Variants in HELB observed in about 807,000 individuals in gnomAD.
HELB encodes the protein DNA helicase B, also known as DNA 5'-3' helicase B.
HELB carries 96 observed loss-of-function variants against 101.7 expected under a neutral mutation model. That is an observed-to-expected ratio of 0.94 (90% CI 0.80 to 1.12). The LOEUF is 1.12. HELB is among the 50% of genes most tolerant of loss of function. HELB has a pLI of 0.00. For missense variants in HELB, 1,210 were observed against 1,291.9 expected, an observed-to-expected ratio of 0.94 and a Z score of 0.97; for synonymous variants, 437 against 459.7, an observed-to-expected ratio of 0.95 and a Z score of 0.63.
At chr12:66,327,123 A>G (rs1256837820) in intron 11 of HELB, among the ~76,000 whole-genome samples, 1 of 149,584 alleles carries the variant, frequency 6.7e-6, no homozygotes, top group Non-Finnish European at 1.5e-5. Flanking sequence ...TAAGGATGAT[A>G]AAATGGTTCT....
At chr12:66,327,348 T>A (rs2137011154) in intron 11 of HELB, among the ~76,000 whole-genome samples, 1 of 152,222 alleles carries the variant, frequency 6.6e-6, no homozygotes, top group East Asian at 1.9e-4. Flanking sequence ...CAGTTTCCTC[T>A]GTTCTGTCTC....
At chr12:66,308,208 G>A (rs1340363318) in intron 3 of HELB, among the ~76,000 whole-genome samples, 1 of 152,148 alleles carries the variant, frequency 6.6e-6, no homozygotes, top group Non-Finnish European at 1.5e-5. Context: ...AGAGGATAGA[G>A]GTTTCTCTTG....
chr12:66,331,646 G>A lies in HELB; in HGVS notation c.3162+1G>A, dbSNP rs570482307. The A allele has an allele frequency of 1.7e-5, 27 of 1,592,382 alleles. 1 individual carries two copies. In the East Asian group the frequency reaches 5.4e-4, roughly 32 times the overall value. ...TGAAAGTCCAAGCAAAATTTTTATG[G>A]TAGGAGTGATGTTTCCATGTTCCCA... On this transcript the variant is annotated splice_donor_variant, in intron 12 of 12. Coordinates refer to ENST00000247815, the MANE Select transcript of HELB (RefSeq NM_001370285.1). LOFTEE classifies it high-confidence loss of function.
chr12:66,315,182 C>A, intron 5 of HELB, 60 bp from the exon 6 acceptor site: 5 of 1,254,020 alleles, frequency 4.0e-6, no homozygotes, highest in Non-Finnish European at 5.3e-6. Context: ...TAATTTTAAA[C>A]AATCTTGGGG....
chr12:66,310,328 C>T lies in HELB; in HGVS notation c.1400C>T (p.Ser467Phe), dbSNP rs777924309. The change falls in exon 4 of 13, where the codon TCC becomes TTC. Residue 467 changes from serine to phenylalanine, a missense_variant. Coordinates refer to ENST00000247815, the MANE Select transcript of HELB (RefSeq NM_001370285.1). ...GTGGCTGCTTTGGAAATGATTTGCTCCAATCCTGTGACAGTCATAAGTGGG... is the reference window on the plus strand; with the variant it reads ...GTGGCTGCTTTGGAAATGATTTGCTTCAATCCTGTGACAGTCATAAGTGGG... ...DQVAALEMIC[S>F]NPVTVISGKG... 9.3e-6 allele frequency: 15 copies of T among 1,614,002 alleles called. No individual in the cohort carries two copies. Among genetic ancestry groups the T allele is most frequent in the Non-Finnish European group, 1.3e-5 (15 of 1,180,038 alleles).
At chr12:66,331,971 A>G (rs766201615) in intron 12 of HELB, among the ~76,000 whole-genome samples, 2 of 152,110 alleles carry the variant, frequency 1.3e-5, no homozygotes, top group Non-Finnish European at 2.9e-5. Context: ...CTATAGTAAC[A>G]TTTCAGGCAC....
chr12:66,330,578 G>T (rs554687831), intron 11 of HELB, among the ~76,000 whole-genome samples: 31 of 147,318 alleles, frequency 2.1e-4, no homozygotes, highest in African/African-American at 6.2e-4. Context: ...TATATATATA[G>T]ATATATATAT....
In HELB at chr12:66,310,160, G is replaced by C. The variant is rs2053525124; in HGVS notation, c.1232G>C (p.Arg411Thr). ...AATGAGAGCAAACCTGATGAAGTAAGATTAGAAAATCCTGTGGATGTTGTG... is the reference window on the plus strand; with the variant it reads ...AATGAGAGCAAACCTGATGAAGTAACATTAGAAAATCCTGTGGATGTTGTG... ...ALNESKPDEVRLENPVDVVDT... is the reference protein window; with the variant it reads ...ALNESKPDEVTLENPVDVVDT... The change falls in exon 4 of 13, where the codon AGA (arginine) becomes ACA (threonine). Residue 411 changes from arginine (R) to threonine (T), a missense_variant. Physicochemically the swap from Arg to Thr is moderately conservative, Grantham distance 71 (BLOSUM62 -1). Coordinates refer to ENST00000247815, the MANE Select transcript of HELB (RefSeq NM_001370285.1). 1 of 1,614,092 alleles carries C rather than the reference G, an allele frequency of 6.2e-7. No homozygotes were observed. Among genetic ancestry groups the C allele is most frequent in the African/African-American group, 1.3e-5 (1 of 74,938 alleles).
chr12:66,304,989 A>G lies in HELB; in HGVS notation c.446A>G (p.Lys149Arg), dbSNP rs201203344. 1.6e-4 allele frequency: 261 copies of G among 1,614,060 alleles called. 3 individuals are homozygous for G. The East Asian group carries it at 5.8e-3, about 36-fold the overall frequency. ...DDVNKFLTWV[K>R]EVSNYKNLNF... ...GTTAATAAATTTTTAACATGGGTAA[A>G]GGAGGTATCAAACTACAAAAACCTA... Residue 149 changes from lysine to arginine, a missense_variant, in exon 2 of 13, where the codon AAG (lysine) becomes AGG (arginine). Lys to Arg is a conservative substitution (Grantham distance 26). Around this residue, in one of 2 missense-constraint regions of HELB, gnomAD observed 470 missense variants for 563.1 expected, o/e 0.83. Coordinates refer to ENST00000247815, the MANE Select transcript of HELB (RefSeq NM_001370285.1).
At chr12:66,321,655 T>G (rs2053672037) in intron 7 of HELB, 1 of 308,872 alleles carries the variant, frequency 3.2e-6, no homozygotes, top group African/African-American at 2.2e-5. Flanking sequence ...AATTCAGTGT[T>G]CATAAACCAT....
chr12:66,314,091 T>C lies in HELB; in HGVS notation c.1786T>C (p.Ser596Pro), dbSNP rs1273576646. ...GGTTGTGGATGAAGGGAGTTTGGTA[T>C]CTGTAGGAATCTTCAAATCGGTCTT... is the stretch of plus-strand genomic sequence containing the variant. ...VLVVDEGSLVSVGIFKSVLNL... is the reference protein window; with the variant it reads ...VLVVDEGSLVPVGIFKSVLNL... The change falls in exon 5 of 13, where the codon TCT (serine) becomes CCT (proline). Residue 596 changes from serine (S) to proline (P), a missense_variant. Ser to Pro is a moderately conservative substitution (Grantham distance 74). This residue lies in a region of HELB where 740 missense variants were observed against 728.8 expected (regional missense o/e 1.02). Coordinates refer to ENST00000247815, the MANE Select transcript of HELB (RefSeq NM_001370285.1). 1 of 1,613,916 alleles carries C rather than the reference T, an allele frequency of 6.2e-7. No individual in the cohort carries two copies. The highest frequency in any genetic ancestry group is 2.2e-5 in the East Asian group (1 of 44,866).
At position 66,318,787 on chromosome 12, in the gene HELB, A is replaced by G. The variant is rs149173752; in HGVS notation, c.2150A>G (p.His717Arg). The change falls in exon 7 of 13, where the codon CAC becomes CGC. Residue 717 changes from histidine (H) to arginine (R), a missense_variant. Around this residue, in one of 2 missense-constraint regions of HELB, gnomAD observed 740 missense variants for 728.8 expected, o/e 1.02. Transcript: ENST00000247815. ...TCTCAGTCATCTAAAACTAATCATC[A>G]CTCTTGTAAGTATAAACTTCTATGA... ...ASSQSSKTNH[H>R]SCLYSAVKTL... 1.8e-5 allele frequency: 29 copies of G among 1,601,574 alleles called. No individual in the cohort carries two copies. The African/African-American group carries it at 3.2e-4, about 18-fold the overall frequency.
intron 11 of HELB, among the ~76,000 whole-genome samples, chr12:66,328,181 A>G (rs2053764663): frequency 6.6e-6 from 1 of 152,218 alleles, no homozygotes; most frequent in East Asian, 1.9e-4. Flanking sequence ...GGCCTGCACT[A>G]TCCAGTATGT....
At chr12:66,317,713 A>G (rs2053625097) in intron 6 of HELB, among the ~76,000 whole-genome samples, 1 of 152,218 alleles carries the variant, frequency 6.6e-6, no homozygotes, top group South Asian at 2.1e-4. Context: ...GCTATATACC[A>G]GGGAAACGGT....
At chr12:66,341,947 A>T (rs1406700454), downstream of HELB, 1 of 152,224 alleles carries the variant, frequency 6.6e-6, no homozygotes. Flanking sequence ...TAAATTACTC[A>T]GTCTCAGGTG....
At chr12:66,306,303 GT>G in intron 2 of HELB, 41 bp from the exon 3 acceptor site, 1 of 1,425,052 alleles carries the variant, frequency 7.0e-7, no homozygotes, top group South Asian at 1.5e-5. Context: ...CATTCTTTGG[GT>G]TCATTTATGT....
At chr12:66,328,470 G>A (rs893729883) in intron 11 of HELB, among the ~76,000 whole-genome samples, 2 of 152,096 alleles carry the variant, frequency 1.3e-5, no homozygotes, top group Middle Eastern at 6.3e-3. Context: ...GTCTGAGGTG[G>A]GAGGATTTCC....
At chr12:66,320,069 A>G (rs2053653580) in intron 7 of HELB, among the ~76,000 whole-genome samples, 1 of 152,098 alleles carries the variant, frequency 6.6e-6, no homozygotes, top group Admixed American at 6.6e-5. Context: ...GTGAACAAAT[A>G]TATTTTCAAA....
chr12:66,319,204 T>G (rs2137002268), intron 7 of HELB, among the ~76,000 whole-genome samples: 1 of 152,372 alleles, frequency 6.6e-6, no homozygotes, highest in Admixed American at 6.5e-5. Context: ...TTATTTTGTT[T>G]CTGAAACAAA....
Sources: gnomAD v4.1 joint callset for allele counts (sites outside exome capture counted in the v4.1 genomes callset) on GRCh38, gnomAD v4.1.1 for gene constraint, gnomAD v4.1.1 regional missense constraint, MANE v1.5 for transcripts, NCBI Gene and HGNC (gene_info 2026-07-23, HGNC 2026-07-21) for gene names.